TLK1: variants seen among roughly 807,000 people sequenced by gnomAD.
TLK1 encodes tousled like kinase 1, also known as serine/threonine-protein kinase tousled-like 1.
In TLK1, 24 loss-of-function variants were observed where a neutral mutation model predicts 105.3. The ratio of observed to expected loss-of-function variants is 0.23; its 90% CI spans 0.17 to 0.32. The LOEUF is 0.32. Ranked by LOEUF, TLK1 falls within the 10% of genes least tolerant of loss-of-function variation. The pLI, the probability that TLK1 is intolerant of heterozygous loss-of-function variation, is 1.00. For synonymous variants in TLK1, 321 were observed against 310.4 expected (o/e 1.03, Z -0.36); for missense variants, 558 against 910.5 (o/e 0.61, Z 4.98).
chr2:171,115,941 C>A (rs1267919752), intron 2 of TLK1, among the ~76,000 whole-genome samples: 1 of 152,098 alleles, frequency 6.6e-6, no homozygotes, highest in Non-Finnish European at 1.5e-5. Flanking sequence ...CAAGGTAATT[C>A]TTATTAAAAT....
At chr2:171,121,463 C>G (rs1375929504) in intron 1 of TLK1, among the ~76,000 whole-genome samples, 1 of 152,032 alleles carries the variant, frequency 6.6e-6, no homozygotes, top group Non-Finnish European at 1.5e-5. Flanking sequence ...CCCAGGAGGT[C>G]GAGGCTGCAG....
At chr2:171,203,441 T>C (rs566159664) in intron 1 of TLK1, among the ~76,000 whole-genome samples, 4 of 152,338 alleles carry the variant, frequency 2.6e-5, no homozygotes, top group Admixed American at 1.3e-4. Context: ...TGGAATAACA[T>C]TGTATTTGTC....
intron 1 of TLK1, among the ~76,000 whole-genome samples, chr2:171,133,041 C>T (rs1414108763): frequency 6.6e-6 from 1 of 152,110 alleles, no homozygotes. Context: ...AACCAAGGAA[C>T]TATAACTTCT....
In TLK1 at chr2:170,997,768, T is replaced by C; in HGVS notation, c.1960A>G (p.Lys654Glu). The C allele has an allele frequency of 6.2e-7, 1 of 1,610,126 alleles. No individual in the cohort carries two copies. Among genetic ancestry groups the C allele is most frequent in the Non-Finnish European group, 8.5e-7 (1 of 1,177,710 alleles). Residue 654 changes from lysine (K) to glutamate (E), a missense_variant, in exon 19 of 21, where the codon AAG (lysine) becomes GAG (glutamate). By Grantham distance (56) the Lys-to-Glu change is moderately conservative. Coordinates refer to ENST00000431350, the MANE Select transcript of TLK1 (RefSeq NM_012290.5). Reference sequence around the variant, plus strand: ...ACTCCAACCGACCATACATCAACCTTGTTGGAAATCTTTGGTGGCTCTTTT... The same window carrying C: ...ACTCCAACCGACCATACATCAACCTCGTTGGAAATCTTTGGTGGCTCTTTT... ...VGKEPPKISN[K>E]VDVWSVGVIF... is the part of the protein sequence containing the mutation.
At chr2:171,129,830 A>AATAGCATAACATAAC (rs1340746994) in intron 1 of TLK1, among the ~76,000 whole-genome samples, 1 of 142,582 alleles carries the variant, frequency 7.0e-6, no homozygotes, top group Non-Finnish European at 1.5e-5. Context: ...TAGGTTACCA[A>AATAGCATAACATAAC]ATAACATAAC....
chr2:171,073,610 C>T (rs1198007953), intron 3 of TLK1, among the ~76,000 whole-genome samples: 1 of 152,064 alleles, frequency 6.6e-6, no homozygotes, highest in African/African-American at 2.4e-5. Context: ...GACTAATAAG[C>T]ATGAACATAT....
At chr2:171,141,400 T>C (rs1691567544) in intron 1 of TLK1, among the ~76,000 whole-genome samples, 1 of 152,216 alleles carries the variant, frequency 6.6e-6, no homozygotes, top group Non-Finnish European at 1.5e-5. Context: ...AACAGTTACA[T>C]GCAGCTAGTG....
At chr2:171,217,346 T>C (rs1388743725) in intron 1 of TLK1, among the ~76,000 whole-genome samples, 1 of 152,194 alleles carries the variant, frequency 6.6e-6, no homozygotes, top group Non-Finnish European at 1.5e-5. Context: ...CACAGGTAAC[T>C]TGGGAGGTAT....
At chr2:171,135,517 A>G (rs1008450131) in intron 1 of TLK1, among the ~76,000 whole-genome samples, 9 of 151,918 alleles carry the variant, frequency 5.9e-5, no homozygotes, top group Non-Finnish European at 1.3e-4. Context: ...AAAGAAAAAG[A>G]TGGCCAGGCA....
At position 171,054,998 on chromosome 2, in the gene TLK1, AAAAC is replaced by A. The variant is rs149429863; in HGVS notation, c.639+81_639+84del. The A allele has an allele frequency of 4.3e-3, 3,164 of 730,030 alleles. 75 individuals carry two copies. The African/African-American group carries it at 0.051, about 12-fold the overall frequency. 45.2% of individuals were successfully genotyped at this position (730,030 alleles called of 1,614,324 possible). ...GTAATTCTGCTTTATGACTACATAT[AAAAC>A]AAACAGACATCTTAGTTGTTAGTAA... On this transcript the variant is annotated intron_variant, in intron 7 of 20. Transcript: ENST00000431350.
intron 1 of TLK1, among the ~76,000 whole-genome samples, chr2:171,226,884 G>C (rs1693906798): frequency 6.6e-6 from 1 of 152,096 alleles, no homozygotes; most frequent in African/African-American, 2.4e-5. Context: ...TCTTCATGTA[G>C]TTGGCCTCAT....
At chr2:171,129,746 C>T (rs771141062) in intron 1 of TLK1, among the ~76,000 whole-genome samples, 32 of 152,090 alleles carry the variant, frequency 2.1e-4, no homozygotes, top group Non-Finnish European at 3.4e-4. Context: ...GGGAAGATCA[C>T]TTGAGCCCAG....
chr2:171,112,662 TC>T (rs1166381152), intron 2 of TLK1, among the ~76,000 whole-genome samples: 8 of 152,212 alleles, frequency 5.3e-5, no homozygotes, highest in Non-Finnish European at 1.2e-4. Context: ...GATAATTATT[TC>T]CCTTAAATAA....
chr2:171,103,453 G>A (rs1689785518), intron 2 of TLK1, among the ~76,000 whole-genome samples: 1 of 151,574 alleles, frequency 6.6e-6, no homozygotes, highest in South Asian at 2.1e-4. Context: ...AATTTTTTGA[G>A]ATGGGGTTGA....
chr2:171,196,121 G>GTTT (rs1490330553), intron 1 of TLK1, among the ~76,000 whole-genome samples: 2 of 125,704 alleles, frequency 1.6e-5, no homozygotes, highest in Non-Finnish European at 3.7e-5. Flanking sequence ...CATTGTAGCT[G>GTTT]GTTTTTTTTT....
At chr2:171,205,116 G>A (rs960551527) in intron 1 of TLK1, among the ~76,000 whole-genome samples, 1 of 152,096 alleles carries the variant, frequency 6.6e-6, no homozygotes, top group Non-Finnish European at 1.5e-5. Flanking sequence ...GGGAGGCTGA[G>A]GTGAGAGGAT....
chr2:171,069,440 C>T (rs1688151537), intron 3 of TLK1, among the ~76,000 whole-genome samples: 1 of 152,086 alleles, frequency 6.6e-6, no homozygotes, highest in African/African-American at 2.4e-5. Flanking sequence ...TGGTTCTCAA[C>T]CAGGAGAGAT....
chr2:171,171,869 C>A (rs1023176908), intron 1 of TLK1, among the ~76,000 whole-genome samples: 1 of 152,086 alleles, frequency 6.6e-6, no homozygotes, highest in South Asian at 2.1e-4. Context: ...TAGCAGTAAC[C>A]ACTAAAGCTG....
At chr2:171,147,728 G>A (rs925066711) in intron 1 of TLK1, among the ~76,000 whole-genome samples, 6 of 152,188 alleles carry the variant, frequency 3.9e-5, no homozygotes, top group African/African-American at 4.8e-5. Context: ...GCTCACAGAT[G>A]TAGATTTCAA....
Sources: gnomAD v4.1 joint callset for allele counts (sites outside exome capture counted in the v4.1 genomes callset) on GRCh38, gnomAD v4.1.1 for gene constraint, MANE v1.5 for transcripts, NCBI Gene and HGNC (gene_info 2026-07-23, HGNC 2026-07-21) for gene names.